The following UAP1 variants were observed in gnomAD, a reference collection of about 807,000 sequenced individuals.
UAP1 encodes the protein UDP-N-acetylglucosamine pyrophosphorylase 1, also known as UDP-N-acetylhexosamine pyrophosphorylase.
Under a neutral mutation model 58.5 loss-of-function variants are expected in UAP1, and 25 were observed. The observed-to-expected ratio is 0.43, with a 90% CI of 0.31 to 0.60. The LOEUF is 0.60. UAP1 is among the 20% of genes least tolerant of loss of function. The probability of loss-of-function intolerance (pLI) is 0.11; values close to 1 mark genes in which losing one functional copy is unlikely to be tolerated. For missense variants in UAP1, 575 were observed against 630.0 expected, an observed-to-expected ratio of 0.91 and a Z score of 0.93; for synonymous variants, 208 against 213.0, an observed-to-expected ratio of 0.98 and a Z score of 0.21.
chr1:162,563,220 A>C (rs994742259), intron 1 of UAP1, among the ~76,000 whole-genome samples: 5 of 152,218 alleles, frequency 3.3e-5, no homozygotes, highest in African/African-American at 1.2e-4. Context: ...ATCTGCCTCA[A>C]ATAAATATAA....
intron 2 of UAP1, among the ~76,000 whole-genome samples, chr1:162,570,219 ATCTC>A (rs1201475628): frequency 1.3e-5 from 2 of 152,136 alleles, no homozygotes; most frequent in Non-Finnish European, 2.9e-5. Context: ...AAAAATACTA[ATCTC>A]TCTGATTCCA....
At chr1:162,565,963 A>G in intron 1 of UAP1, 49 bp from the exon 2 acceptor site, 5 of 1,276,578 alleles carry the variant, frequency 3.9e-6, no homozygotes, top group Admixed American at 4.7e-5. Context: ...AAAGCCCTCA[A>G]TTTTGGAGGT....
At chr1:162,600,740 T>A (rs567584828), downstream of UAP1, among the ~76,000 whole-genome samples, 2 of 152,258 alleles carry the variant, frequency 1.3e-5, no homozygotes, top group South Asian at 4.1e-4. Context: ...TTTAGCATAT[T>A]TTCTATTTTA....
chr1:162,570,201 A>G, intron 2 of UAP1, among the ~76,000 whole-genome samples: 1 of 152,182 alleles, frequency 6.6e-6, no homozygotes, highest in East Asian at 1.9e-4. Context: ...ACTAAAAATT[A>G]CAAAGGAAAA....
At chr1:162,579,653 AT>A (rs906536505) in intron 4 of UAP1, 50 bp downstream of exon 4, 1 of 1,359,910 alleles carries the variant, frequency 7.4e-7, no homozygotes, top group Non-Finnish European at 9.8e-7. Flanking sequence ...AACAACATAA[AT>A]CATCAAATGT....
In UAP1 at chr1:162,590,604, C is replaced by T. The variant is rs76782082; in HGVS notation, c.1358+93C>T. The T allele has an allele frequency of 2.2e-3, 2,482 of 1,144,812 alleles. 62 individuals are homozygous for T. The East Asian group carries it at 0.057, about 26-fold the overall frequency. 70.9% of individuals were successfully genotyped at this position (1,144,812 alleles called of 1,614,324 possible). A position where few individuals can be genotyped will look rare whatever the true frequency, so the allele number is the denominator to read the frequency against. On this transcript the variant is annotated intron_variant, in intron 8 of 10. Transcript: ENST00000271469. ...TCTCTCTCTCTCTGTATTCCTAGATCTTTTTTAAAAAGCAAAGTTTTGATG... is the reference window on the plus strand; with the variant it reads ...TCTCTCTCTCTCTGTATTCCTAGATTTTTTTTAAAAAGCAAAGTTTTGATG...
chr1:162,573,709 A>C (rs573872944), intron 2 of UAP1, among the ~76,000 whole-genome samples: 4 of 152,280 alleles, frequency 2.6e-5, no homozygotes, highest in Admixed American at 2.0e-4. Flanking sequence ...TCATATCTGT[A>C]ATCCCAGCAC....
intron 7 of UAP1, among the ~76,000 whole-genome samples, chr1:162,589,252 TATAA>T (rs1448928778): frequency 7.8e-6 from 1 of 128,304 alleles, no homozygotes; most frequent in Non-Finnish European, 1.6e-5. Flanking sequence ...TATAGTTATA[TATAA>T]ATATATATTT....
At chr1:162,576,979 A>C in exon 3 of UAP1, 3 of 1,613,800 alleles carry the variant, frequency 1.9e-6, no homozygotes, top group South Asian at 2.2e-5. Flanking sequence ...GCATTATTCC[A>C]TGGTAAGATA....
intron 7 of UAP1, among the ~76,000 whole-genome samples, chr1:162,589,256 AATAT>A (rs952667994): frequency 3.9e-5 from 5 of 127,596 alleles, no homozygotes; most frequent in South Asian, 4.4e-4. Context: ...GTTATATATA[AATAT>A]ATATTTATTT....
At chr1:162,596,994 T>C (rs989767438) in intron 9 of UAP1, among the ~76,000 whole-genome samples, 3 of 152,222 alleles carry the variant, frequency 2.0e-5, no homozygotes, top group Non-Finnish European at 4.4e-5. Flanking sequence ...ACTTTGACCT[T>C]GCCTTCGCTT....
intron 1 of UAP1, among the ~76,000 whole-genome samples, chr1:162,563,847 TG>T (rs1653331602): frequency 6.6e-6 from 1 of 152,196 alleles, no homozygotes; most frequent in Non-Finnish European, 1.5e-5. Context: ...TGAGAAAGGT[TG>T]GTTGTCTTAT....
At chr1:162,585,939 C>T (rs186156484) in intron 5 of UAP1, among the ~76,000 whole-genome samples, 7 of 152,262 alleles carry the variant, frequency 4.6e-5, no homozygotes, top group African/African-American at 1.7e-4. Context: ...TAATTTGCTG[C>T]ATAATGTTCC....
At chr1:162,569,874 G>A (rs1004604940) in intron 2 of UAP1, among the ~76,000 whole-genome samples, 6 of 152,144 alleles carry the variant, frequency 3.9e-5, no homozygotes, top group Non-Finnish European at 7.4e-5. Flanking sequence ...ATACAGCCGG[G>A]CATGGTGGCT....
chr1:162,563,965 T>G (rs1204312804), intron 1 of UAP1, among the ~76,000 whole-genome samples: 1 of 152,164 alleles, frequency 6.6e-6, no homozygotes, highest in Non-Finnish European at 1.5e-5. Flanking sequence ...TCTGGTTCCT[T>G]GCTGATCTTC....
At chr1:162,574,205 G>A (rs1225429831) in intron 2 of UAP1, among the ~76,000 whole-genome samples, 2 of 148,374 alleles carry the variant, frequency 1.3e-5, no homozygotes, top group East Asian at 4.1e-4. Flanking sequence ...CAGTTCATCT[G>A]CCTCAGCCTC....
chr1:162,575,400 T>G (rs1654116291), intron 2 of UAP1, among the ~76,000 whole-genome samples: 1 of 152,166 alleles, frequency 6.6e-6, no homozygotes, highest in Non-Finnish European at 1.5e-5. Flanking sequence ...TTAATATATA[T>G]TTACATATAA....
At chr1:162,562,691 A>G (rs1653232483) in intron 1 of UAP1, 1 of 152,194 alleles carries the variant, frequency 6.6e-6, no homozygotes, top group African/African-American at 2.4e-5. Context: ...CGGAAACTCA[A>G]GGCAGTTGTC....
intron 7 of UAP1, among the ~76,000 whole-genome samples, chr1:162,589,422 G>A (rs1037780214): frequency 6.0e-5 from 9 of 149,090 alleles, no homozygotes; most frequent in African/African-American, 2.2e-4. Flanking sequence ...CAAAGTGCTG[G>A]GATTATAGGC....
Sources: gnomAD v4.1 joint callset for allele counts (sites outside exome capture counted in the v4.1 genomes callset) on GRCh38, gnomAD v4.1.1 for gene constraint, MANE v1.5 for transcripts, NCBI Gene and HGNC (gene_info 2026-07-23, HGNC 2026-07-21) for gene names.